SPEF2: variants seen among roughly 807,000 people sequenced by gnomAD.
SPEF2 encodes the protein sperm flagella and cilia-associated protein 2.
A neutral mutation model predicts 224.6 loss-of-function variants in SPEF2; 187 were observed. That is an observed-to-expected ratio of 0.83 (90% CI 0.74 to 0.94). The LOEUF (loss-of-function observed/expected upper bound fraction) is 0.94. Ranked by LOEUF, SPEF2 falls within the 40% of genes least tolerant of loss-of-function variation. The pLI is 0.00. For missense variants in SPEF2, 2,170 were observed against 2,135.6 expected, an observed-to-expected ratio of 1.02 and a Z score of -0.32; for synonymous variants, 715 against 707.3, an observed-to-expected ratio of 1.01 and a Z score of -0.17.
At chr5:35,776,111 G>A in intron 28 of SPEF2, 146 bp from the exon 29 acceptor site, 1 of 676,778 alleles carries the variant, frequency 1.5e-6, no homozygotes, top group Non-Finnish European at 2.2e-6. Context: ...TCAGTGAGAT[G>A]GATATCATCT....
In SPEF2 at chr5:35,800,035, T is replaced by C. The variant is rs1757215592; in HGVS notation, c.4898T>C (p.Leu1633Pro). The C allele has an allele frequency of 2.5e-6, 4 of 1,614,012 alleles. No individual in the cohort carries two copies. Among genetic ancestry groups the C allele is most frequent in the Non-Finnish European group, 3.4e-6 (4 of 1,180,030 alleles). Reference sequence around the variant, plus strand: ...CAGCTTGACTACACACAGATGCTGCTTTACTTTGCTTGCCACCCAGACACC... The same window carrying C: ...CAGCTTGACTACACACAGATGCTGCCTTACTTTGCTTGCCACCCAGACACC... ...PPQLDYTQML[L>P]YFACHPDTVE... The change falls in exon 34 of 37, where the codon CTT becomes CCT. Residue 1633 changes from leucine to proline, a missense_variant. Physicochemically the swap from Leu to Pro is moderately conservative, Grantham distance 98 (BLOSUM62 -3). Coordinates refer to ENST00000356031, the MANE Select transcript of SPEF2 (RefSeq NM_024867.4).
chr5:35,695,856 G>T, intron 14 of SPEF2, 60 bp downstream of exon 14: 1 of 1,292,266 alleles, frequency 7.7e-7, no homozygotes, highest in Non-Finnish European at 1.1e-6. Flanking sequence ...GATTAATGGT[G>T]TTTTGGAGTG....
At chr5:35,648,452 A>G (rs1328219457) in intron 5 of SPEF2, among the ~76,000 whole-genome samples, 6 of 151,068 alleles carry the variant, frequency 4.0e-5, no homozygotes, top group Non-Finnish European at 8.8e-5. Flanking sequence ...TGGTAAAATC[A>G]TGGATCATTG....
intron 14 of SPEF2, among the ~76,000 whole-genome samples, chr5:35,697,430 A>G (rs1339774397): frequency 6.6e-6 from 1 of 152,118 alleles, no homozygotes; most frequent in African/African-American, 2.4e-5. Context: ...TTTCTGATTT[A>G]AGGTATTAGA....
At chr5:35,652,145 C>A (rs557847593) in intron 6 of SPEF2, among the ~76,000 whole-genome samples, 7 of 152,136 alleles carry the variant, frequency 4.6e-5, no homozygotes, top group Non-Finnish European at 7.3e-5. Context: ...AATATAATCA[C>A]TGCCCTCAAG....
chr5:35,682,656 AT>A (rs1753002687), intron 10 of SPEF2, among the ~76,000 whole-genome samples: 3 of 152,184 alleles, frequency 2.0e-5, no homozygotes, highest in Admixed American at 2.0e-4. Context: ...TCTGCTAAGT[AT>A]TATTGGTGTA....
chr5:35,776,456 G>A, intron 29 of SPEF2, 61 bp downstream of exon 29: 1 of 1,520,662 alleles, frequency 6.6e-7, no homozygotes, highest in African/African-American at 1.4e-5. Context: ...CAAAATTGAT[G>A]AAGATTTTTA....
At chr5:35,808,693 G>T (rs1043533220) in intron 36 of SPEF2, among the ~76,000 whole-genome samples, 1 of 146,516 alleles carries the variant, frequency 6.8e-6, no homozygotes, top group African/African-American at 2.5e-5. Context: ...TTGCTATTGG[G>T]TTTTACATAT....
intron 10 of SPEF2, among the ~76,000 whole-genome samples, chr5:35,680,082 GT>G (rs751698914): frequency 1.2e-4 from 19 of 152,044 alleles, no homozygotes; most frequent in Admixed American, 3.9e-4. Flanking sequence ...ACTTTAATTT[GT>G]TTTTATACCT....
Position 35,654,639 on chromosome 5 carries a change from T to G in SPEF2, c.891T>G (p.Leu297=). The G allele has an allele frequency of 6.2e-7, 1 of 1,613,716 alleles. No homozygotes were observed. The highest frequency in any genetic ancestry group is 8.5e-7 in the Non-Finnish European group (1 of 1,179,912). ...ACATTAAAAAAATCCAGAAGCGCCTTGAAGAAGATGCTTTTGCACGAGAGC... is the reference window on the plus strand; with the variant it reads ...ACATTAAAAAAATCCAGAAGCGCCTGGAAGAAGATGCTTTTGCACGAGAGC... ...DEYIKKIQKR[L]EEDAFAREQR... is the part of the protein sequence containing the mutation. The change falls in exon 7 of 37, where the codon CTT becomes CTG. Residue 297 remains leucine, a synonymous_variant. Coordinates refer to ENST00000356031, the MANE Select transcript of SPEF2 (RefSeq NM_024867.4).
chr5:35,714,582 T>A (rs1277671323), intron 20 of SPEF2, among the ~76,000 whole-genome samples: 1 of 151,942 alleles, frequency 6.6e-6, no homozygotes, highest in East Asian at 1.9e-4. Context: ...CTTTGTATTT[T>A]TTTTCTTAAT....
chr5:35,811,623 G>C (rs1202120786), intron 36 of SPEF2, among the ~76,000 whole-genome samples: 1 of 151,492 alleles, frequency 6.6e-6, no homozygotes, highest in African/African-American at 2.4e-5. Flanking sequence ...TGGTGGGGGG[G>C]GTGGGGTTTG....
At chr5:35,753,314 CAA>C (rs1373729918) in intron 23 of SPEF2, among the ~76,000 whole-genome samples, 5 of 152,022 alleles carry the variant, frequency 3.3e-5, no homozygotes. Context: ...CTTTTTCAAC[CAA>C]ACACATTTTT....
intron 36 of SPEF2, chr5:35,807,691 C>T: frequency 6.5e-7 from 1 of 1,536,032 alleles, no homozygotes; most frequent in Non-Finnish European, 8.7e-7. Flanking sequence ...GGTTGGGCAC[C>T]ACTTCCATCA....
chr5:35,697,710 T>C lies in SPEF2; in HGVS notation c.2058T>C (p.Leu686=). 3 of 1,613,384 alleles carry C rather than the reference T, an allele frequency of 1.9e-6. No homozygotes were observed. Among genetic ancestry groups the C allele is most frequent in the Non-Finnish European group, 2.5e-6 (3 of 1,179,614 alleles). The change falls in exon 15 of 37, where the codon CTT becomes CTC. Residue 686 remains leucine, a synonymous_variant. Transcript: ENST00000356031. Reference sequence around the variant, plus strand: ...CCCAGCTCACTACACGTGCTCAGCTTGGTGCAAAATCAGAACAGTTGCTGA... The same window carrying C: ...CCCAGCTCACTACACGTGCTCAGCTCGGTGCAAAATCAGAACAGTTGCTGA... ...SFLKLTTRAQ[L]GAKSEQLLKK... is the part of the protein sequence containing the mutation.
intron 10 of SPEF2, among the ~76,000 whole-genome samples, chr5:35,675,049 G>T (rs1691334421): frequency 1.3e-5 from 2 of 151,948 alleles, no homozygotes; most frequent in Admixed American, 6.6e-5. Context: ...ATTGCATTGT[G>T]TAGTACTGGA....
At chr5:35,656,166 CTT>C (rs1213727788) in intron 7 of SPEF2, among the ~76,000 whole-genome samples, 1 of 152,062 alleles carries the variant, frequency 6.6e-6, no homozygotes, top group African/African-American at 2.4e-5. Context: ...GAGGAACAAA[CTT>C]GGGGTGGGCA....
intron 1 of SPEF2, among the ~76,000 whole-genome samples, chr5:35,625,128 T>C (rs569375307): frequency 3.3e-5 from 5 of 152,344 alleles, no homozygotes; most frequent in African/African-American, 1.2e-4. Context: ...TCTGCTGATG[T>C]GGTACATGGT....
chr5:35,622,592 T>C (rs1743679440), intron 1 of SPEF2, among the ~76,000 whole-genome samples: 1 of 152,204 alleles, frequency 6.6e-6, no homozygotes, highest in Admixed American at 6.5e-5. Context: ...TGCTGCCTTT[T>C]AGTTCTAGTC....
Sources: allele counts gnomAD v4.1 joint callset (sites outside exome capture counted in the v4.1 genomes callset), GRCh38; gene constraint gnomAD v4.1.1; transcripts MANE v1.5; gene names NCBI Gene and HGNC (gene_info 2026-07-23, HGNC 2026-07-21).